CCDC181: variants seen among roughly 807,000 people sequenced by gnomAD.
The protein encoded by CCDC181 is coiled-coil domain-containing protein 181.
In CCDC181, 35 loss-of-function variants were observed where a neutral mutation model predicts 58.7. The ratio of observed to expected loss-of-function variants is 0.60; its 90% CI spans 0.46 to 0.79. The LOEUF is 0.79. Ranked by LOEUF, CCDC181 falls within the 30% of genes least tolerant of loss-of-function variation. The pLI, the probability that CCDC181 is intolerant of heterozygous loss-of-function variation, is 0.00. For missense variants in CCDC181, 517 were observed against 583.9 expected, an observed-to-expected ratio of 0.89 and a Z score of 1.18; for synonymous variants, 183 against 197.5, an observed-to-expected ratio of 0.93 and a Z score of 0.62.
intron 2 of CCDC181, among the ~76,000 whole-genome samples, chr1:169,450,901 AC>A (rs1447586902): frequency 1.3e-5 from 2 of 152,218 alleles, no homozygotes; most frequent in Admixed American, 6.5e-5. Context: ...ACTGTTAAGA[AC>A]TTTTCATATT....
intron 2 of CCDC181, among the ~76,000 whole-genome samples, chr1:169,432,735 G>T (rs1031502370): frequency 6.6e-6 from 1 of 152,020 alleles, no homozygotes; most frequent in Non-Finnish European, 1.5e-5. Context: ...TTAACAGAAG[G>T]AAAGAGAAAA....
intron 2 of CCDC181, among the ~76,000 whole-genome samples, chr1:169,449,461 T>C (rs12121891): frequency 0.27 from 40,686 of 152,116 alleles, 6,767 homozygotes; most frequent in Non-Finnish European, 0.38. Flanking sequence ...AAAGTTAGTT[T>C]ATTAAAGAGT....
Position 169,421,713 on chromosome 1 carries a change from G to C in CCDC181, c.718C>G (p.Pro240Ala). Residue 240 changes from proline (P) to alanine (A), a missense_variant, in exon 3 of 6, where the codon CCT becomes GCT. Transcript: ENST00000367806. ...GTACTATTTGCATTATTAATGGGAG[G>C]CAAAAACCCCTGACTGGCAATGTCT... ...LQDIASQGFLPPINNANSTEN... is the reference protein window; with the variant it reads ...LQDIASQGFLAPINNANSTEN... 2 of 1,613,932 alleles carry C rather than the reference G, an allele frequency of 1.2e-6. No homozygotes were observed. The highest frequency in any genetic ancestry group is 1.7e-6 in the Non-Finnish European group (2 of 1,179,982).
intron 4 of CCDC181, among the ~76,000 whole-genome samples, chr1:169,406,573 C>T (rs904252385): frequency 1.3e-5 from 2 of 152,120 alleles, no homozygotes; most frequent in Admixed American, 6.5e-5. Context: ...CGCATGTTCT[C>T]ACTCACAGGT....
intron 2 of CCDC181, among the ~76,000 whole-genome samples, chr1:169,445,293 A>G (rs529634966): frequency 6.6e-6 from 1 of 152,332 alleles, no homozygotes; most frequent in East Asian, 1.9e-4. Context: ...GATGCTCTTT[A>G]GAAAGTTTGA....
chr1:169,401,746 T>C lies in CCDC181; in HGVS notation c.1216-4355A>G, dbSNP rs575553218. Among the ~76,000 whole-genome samples the C allele has an allele frequency of 1.4e-4, 21 of 152,222 alleles. No homozygotes were observed. The South Asian group carries it at 4.4e-3, about 32-fold the overall frequency. ...AAATTCTAAAAATCAGAGTGCCTCTTCTCCAAAGGAATGCAGCTCTTCCCC... is the reference window on the plus strand; with the variant it reads ...AAATTCTAAAAATCAGAGTGCCTCTCCTCCAAAGGAATGCAGCTCTTCCCC... On this transcript the variant is annotated intron_variant, in intron 4 of 5. Coordinates refer to ENST00000367806, the MANE Select transcript of CCDC181 (RefSeq NM_001300969.2).
chr1:169,409,274 G>A (rs1319795429), intron 4 of CCDC181, among the ~76,000 whole-genome samples: 2 of 152,072 alleles, frequency 1.3e-5, no homozygotes, highest in African/African-American at 4.8e-5. Flanking sequence ...TCAATGAAGT[G>A]GAAGAAAGGA....
At chr1:169,446,286 A>C (rs1657370841) in intron 2 of CCDC181, among the ~76,000 whole-genome samples, 1 of 152,050 alleles carries the variant, frequency 6.6e-6, no homozygotes, top group South Asian at 2.1e-4. Flanking sequence ...TCTACTAAAA[A>C]TACAAAAATT....
intron 3 of CCDC181, among the ~76,000 whole-genome samples, chr1:169,420,055 A>G (rs564590460): frequency 6.6e-6 from 1 of 152,324 alleles, no homozygotes; most frequent in Admixed American, 6.5e-5. Context: ...ATCCAAATGA[A>G]AACAGAATTA....
At chr1:169,437,774 A>G (rs569402095) in intron 2 of CCDC181, among the ~76,000 whole-genome samples, 1 of 152,306 alleles carries the variant, frequency 6.6e-6, no homozygotes, top group East Asian at 1.9e-4. Context: ...TAGTATTGTC[A>G]TCTATAGTTT....
At chr1:169,448,374 G>T (rs1224210137) in intron 2 of CCDC181, among the ~76,000 whole-genome samples, 1 of 151,938 alleles carries the variant, frequency 6.6e-6, no homozygotes, top group Non-Finnish European at 1.5e-5. Flanking sequence ...AGATCTGCTT[G>T]CAATGAATTC....
chr1:169,435,410 G>C (rs913217784), intron 2 of CCDC181, among the ~76,000 whole-genome samples: 1 of 152,092 alleles, frequency 6.6e-6, no homozygotes, highest in Non-Finnish European at 1.5e-5. Flanking sequence ...CAACAAAAAA[G>C]ATGTTACAAG....
At chr1:169,422,392 CATGTA>C in intron 2 of CCDC181, 79 bp from the exon 3 acceptor site, 1 of 1,040,994 alleles carries the variant, frequency 9.6e-7, no homozygotes, top group Non-Finnish European at 1.3e-6. Context: ...TTTTCCTGTT[CATGTA>C]ATTTATTTTA....
At chr1:169,446,149 A>C (rs1293038581) in intron 2 of CCDC181, among the ~76,000 whole-genome samples, 1 of 152,132 alleles carries the variant, frequency 6.6e-6, no homozygotes, top group Non-Finnish European at 1.5e-5. Context: ...CTTTAGGTTT[A>C]AACTGACCTT....
chr1:169,445,279 T>C (rs1657342634), intron 2 of CCDC181, among the ~76,000 whole-genome samples: 2 of 152,216 alleles, frequency 1.3e-5, no homozygotes, highest in South Asian at 4.1e-4. Flanking sequence ...GTAGCGTTTT[T>C]GTAGATGCTC....
intron 4 of CCDC181, among the ~76,000 whole-genome samples, chr1:169,416,311 T>G (rs1345591568): frequency 1.3e-5 from 2 of 152,178 alleles, no homozygotes; most frequent in East Asian, 3.9e-4. Flanking sequence ...ACGCCAGCCT[T>G]CTAGTCAAGT....
intron 4 of CCDC181, among the ~76,000 whole-genome samples, chr1:169,410,085 A>C (rs558898628): frequency 5.3e-5 from 8 of 152,228 alleles, no homozygotes; most frequent in Admixed American, 5.2e-4. Context: ...AGAGACACAG[A>C]CTGGCAAATC....
rs758071038 is a variant in CCDC181 at position 169,395,184 on chromosome 1, C to G, written c.1393G>C (p.Glu465Gln). ...FKQWLRRKRM[E>Q]KMAEQQAVRE... ...ACAGCTTGTTGCTCTGCCATTTTTT[C>G]CATCCGTTTCCTTCTTAACCATCTG... The change falls in exon 6 of 6, where the codon GAA (glutamate) becomes CAA (glutamine). Residue 465 changes from glutamate (E) to glutamine (Q), a missense_variant. By Grantham distance (29) the Glu-to-Gln change is conservative. Coordinates refer to ENST00000367806, the MANE Select transcript of CCDC181 (RefSeq NM_001300969.2). The G allele has an allele frequency of 1.1e-5, 18 of 1,611,690 alleles. No individual in the cohort carries two copies. The highest frequency in any genetic ancestry group is 5.1e-6 in the Non-Finnish European group (6 of 1,179,284).
upstream of CCDC181, among the ~76,000 whole-genome samples, chr1:169,428,319 A>C (rs1457433819): frequency 1.3e-5 from 2 of 152,200 alleles, no homozygotes; most frequent in Non-Finnish European, 1.5e-5. Flanking sequence ...AGACGCTCCC[A>C]AAAAAGGTTA....
Sources: allele counts gnomAD v4.1 joint callset (sites outside exome capture counted in the v4.1 genomes callset), GRCh38; gene constraint gnomAD v4.1.1; transcripts MANE v1.5; gene names NCBI Gene and HGNC (gene_info 2026-07-23, HGNC 2026-07-21).